The following ARMC6 variants were observed in gnomAD, a reference collection of about 807,000 sequenced individuals.
ARMC6 encodes the protein armadillo repeat containing 6.
In ARMC6, 43 loss-of-function variants were observed where a neutral mutation model predicts 49.2. That is an observed-to-expected ratio of 0.87 (90% CI 0.69 to 1.13). The LOEUF (loss-of-function observed/expected upper bound fraction) is 1.13, where lower values mean the gene tolerates loss of function less well. ARMC6 is among the 50% of genes most tolerant of loss of function. ARMC6 has a pLI of 0.00. For synonymous variants in ARMC6, 262 were observed against 289.6 expected (o/e 0.90, Z 0.97); for missense variants, 627 against 682.0 (o/e 0.92, Z 0.90).
At position 19,042,724 on chromosome 19, in the gene ARMC6, A is replaced by G. The variant is rs764090567; in HGVS notation, c.43A>G (p.Ile15Val). 1.5e-5 allele frequency: 24 copies of G among 1,613,154 alleles called. No individual in the cohort carries two copies. The highest frequency in any genetic ancestry group is 2.7e-5 in the African/African-American group (2 of 74,932). The change falls in exon 3 of 9, where the codon ATC (isoleucine) becomes GTC (valine). Residue 15 changes from isoleucine to valine, a missense_variant. Ile to Val is a conservative substitution (Grantham distance 29, BLOSUM62 3). Transcript: ENST00000535612. The stretch of plus-strand genomic sequence containing the variant: ...CTAACCTCTCAGCTCAGGAGCATCT[A>G]TCGGCTGCACGCCAACATCAACACA... ...CCSRYSSGAS[I>V]GCTPTSTQAK...
chr19:19,044,162 C>T, intron 4 of ARMC6, 88 bp downstream of exon 4: 2 of 1,312,468 alleles, frequency 1.5e-6, no homozygotes, highest in South Asian at 1.2e-5. Context: ...AGAATACAGG[C>T]TCTGAAGGTC....
intron 2 of ARMC6, among the ~76,000 whole-genome samples, chr19:19,035,002 C>G (rs1003331518): frequency 1.3e-5 from 2 of 152,174 alleles, no homozygotes; most frequent in Admixed American, 6.5e-5. Context: ...GCTGGAAATA[C>G]AGGCACCCGC....
chr19:19,037,601 T>A (rs1453725358), intron 2 of ARMC6: 3 of 1,236,910 alleles, frequency 2.4e-6, no homozygotes, highest in South Asian at 2.6e-5. Context: ...CCTGGCCTCA[T>A]GTGATCCTTC....
At chr19:19,046,933 T>TAAA (rs751780643) in intron 4 of ARMC6, among the ~76,000 whole-genome samples, 3,293 of 148,394 alleles carry the variant, frequency 0.022, 154 homozygotes, top group African/African-American at 0.078. Flanking sequence ...ACCTGTTTTT[T>TAAA]TTTTTTTTTC....
intron 8 of ARMC6, among the ~76,000 whole-genome samples, chr19:19,057,076 G>A (rs115826770): frequency 0.01 from 1,581 of 152,336 alleles, 22 homozygotes; most frequent in African/African-American, 0.023. Context: ...CTGTCTTCCC[G>A]TGGCCTCACT....
At chr19:19,051,478 C>A in intron 4 of ARMC6, 144 bp from the exon 5 acceptor site, 1 of 713,308 alleles carries the variant, frequency 1.4e-6, no homozygotes. Flanking sequence ...CTGGAAGTTG[C>A]CAGAGCTGTA....
chr19:19,042,963 G>T (rs901975723), intron 3 of ARMC6, 86 bp downstream of exon 3: 1 of 1,530,544 alleles, frequency 6.5e-7, no homozygotes, highest in Non-Finnish European at 8.9e-7. Context: ...CCCACTGGGG[G>T]TGCCACATGC....
chr19:19,035,350 A>AT (rs1413882317), intron 2 of ARMC6, among the ~76,000 whole-genome samples: 4 of 152,210 alleles, frequency 2.6e-5, no homozygotes, highest in Admixed American at 2.0e-4. Context: ...AGAGAAGGAA[A>AT]CTGGCTGCCA....
chr19:19,041,508 C>G (rs931936989), intron 2 of ARMC6, among the ~76,000 whole-genome samples: 6 of 152,018 alleles, frequency 3.9e-5, no homozygotes, highest in Admixed American at 1.3e-4. Flanking sequence ...GCCACCATGC[C>G]CGGTTAATTT....
Position 19,051,717 on chromosome 19 carries a change from G to A in ARMC6, c.375G>A (p.Lys125=). The change falls in exon 5 of 9, where the codon AAG becomes AAA. Residue 125 remains lysine, a synonymous_variant. Transcript: ENST00000535612. The part of the protein sequence containing the change: ...TRFCDQCKQD[K]ACRFLAAQKG... ...TCTGCGACCAGTGCAAACAGGACAA[G>A]GCCTGCCGCTTCCTCGCGGCCCAGA... The A allele has an allele frequency of 6.2e-7, 1 of 1,614,004 alleles. No homozygotes were observed. Among genetic ancestry groups the A allele is most frequent in the Non-Finnish European group, 8.5e-7 (1 of 1,180,046 alleles).
At chr19:19,053,225 T>A (rs150263490) in intron 5 of ARMC6, among the ~76,000 whole-genome samples, 2,176 of 152,292 alleles carry the variant, frequency 0.014, 46 homozygotes, top group African/African-American at 0.047. Context: ...TGGTGGCTCA[T>A]GCCTGTAATG....
At chr19:19,044,850 T>G (rs1166892626) in intron 4 of ARMC6, among the ~76,000 whole-genome samples, 1 of 152,224 alleles carries the variant, frequency 6.6e-6, no homozygotes, top group Non-Finnish European at 1.5e-5. Context: ...GAGACGGCTC[T>G]GGGTGTAAAC....
chr19:19,052,064 A>G lies in ARMC6; in HGVS notation c.722A>G (p.Glu241Gly). The change falls in exon 5 of 9, where the codon GAA (glutamate) becomes GGA (glycine). Residue 241 changes from glutamate (E) to glycine (G), a missense_variant. Coordinates refer to ENST00000535612, the MANE Select transcript of ARMC6 (RefSeq NM_001199196.2). Reference sequence around the variant, plus strand: ...GGCCACCACACTGACGTGGTCAGGGAAGCCTGCTGGGCCCTGCGTGTCATG... The same window carrying G: ...GGCCACCACACTGACGTGGTCAGGGGAGCCTGCTGGGCCCTGCGTGTCATG... Reference protein sequence around the residue: ...HHGHHTDVVREACWALRVMTF... With the variant: ...HHGHHTDVVRGACWALRVMTF... The G allele has an allele frequency of 6.2e-7, 1 of 1,614,000 alleles. No individual in the cohort carries two copies. The highest frequency in any genetic ancestry group is 8.5e-7 in the Non-Finnish European group (1 of 1,180,044).
chr19:19,040,695 C>A, intron 2 of ARMC6: 1 of 380,282 alleles, frequency 2.6e-6, no homozygotes, highest in Non-Finnish European at 5.2e-6. Flanking sequence ...GTCAGCCAGG[C>A]TGGAGTGCAA....
At chr19:19,049,279 C>T (rs1347947313) in intron 4 of ARMC6, among the ~76,000 whole-genome samples, 1 of 151,962 alleles carries the variant, frequency 6.6e-6, no homozygotes, top group Non-Finnish European at 1.5e-5. Context: ...TCTTGAACTC[C>T]TGAGCTCAAA....
chr19:19,051,361 C>A (rs1224784127), intron 4 of ARMC6, among the ~76,000 whole-genome samples: 1 of 131,038 alleles, frequency 7.6e-6, no homozygotes, highest in African/African-American at 3.2e-5. Flanking sequence ...TTGTCTGGAT[C>A]TCTCTCTCTC....
chr19:19,048,503 A>T (rs1290075675), intron 4 of ARMC6, among the ~76,000 whole-genome samples: 1 of 152,052 alleles, frequency 6.6e-6, no homozygotes, highest in East Asian at 1.9e-4. Flanking sequence ...AGCCTGGGCA[A>T]CAGAATGAGA....
intron 4 of ARMC6, among the ~76,000 whole-genome samples, chr19:19,044,540 G>A (rs1173433608): frequency 6.6e-6 from 1 of 152,250 alleles, no homozygotes; most frequent in African/African-American, 2.4e-5. Context: ...TGGGGAAACA[G>A]GCCAGGAGCT....
At chr19:19,039,327 G>A (rs990063860) in intron 2 of ARMC6, 4 of 451,142 alleles carry the variant, frequency 8.9e-6, no homozygotes, top group African/African-American at 8.0e-5. Context: ...TGTAGAGACG[G>A]GGCCTTACTA....
Sources: gnomAD v4.1 joint callset for allele counts (sites outside exome capture counted in the v4.1 genomes callset) on GRCh38, gnomAD v4.1.1 for gene constraint, MANE v1.5 for transcripts, NCBI Gene and HGNC (gene_info 2026-07-23, HGNC 2026-07-21) for gene names.